Variants in RRAGB observed in about 807,000 individuals in gnomAD.
RRAGB encodes ras-related GTP-binding protein B.
RRAGB carries 6 observed loss-of-function variants against 29.3 expected under a neutral mutation model. The ratio of observed to expected loss-of-function variants is 0.21; its 90% CI spans 0.11 to 0.40. RRAGB has a LOEUF of 0.40. Among genes scored for constraint, RRAGB ranks in the 10% least tolerant of loss-of-function variants. RRAGB has a pLI of 1.00. For synonymous variants in RRAGB, 101 were observed against 92.5 expected, an observed-to-expected ratio of 1.09 and a Z score of -0.53; for missense variants, 184 against 272.9, an observed-to-expected ratio of 0.67 and a Z score of 2.29.
intron 5 of RRAGB, among the ~76,000 whole-genome samples, chrX:55,736,785 T>C (rs946019834): frequency 1.8e-5 from 2 of 112,399 alleles, no homozygotes; most frequent in African/African-American, 6.5e-5. Flanking sequence ...TGCAGTGGCT[T>C]TCTTAGCTGC....
In RRAGB at chrX:55,731,595, C is replaced by G. The variant is rs2033681843; in HGVS notation, c.516+9C>G. ...AGGATCAACGGGACCTGGTAAGAAA[C>G]AGAAGAAGTGCTGCACCAAATGCTC... On this transcript the variant is annotated intron_variant, in intron 5 of 9. Coordinates refer to ENST00000374941, the MANE Select transcript of RRAGB (RefSeq NM_006064.5). 1 of 1,112,767 alleles carries G rather than the reference C, an allele frequency of 9.0e-7. No homozygotes were observed. The highest frequency in any genetic ancestry group is 1.8e-5 in the African/African-American group (1 of 55,231). 91.7% of individuals were successfully genotyped at this position (1,112,767 alleles called of 1,213,427 possible).
At chrX:55,736,252 G>T (rs1438456801) in intron 5 of RRAGB, among the ~76,000 whole-genome samples, 2 of 111,700 alleles carry the variant, frequency 1.8e-5, no homozygotes, top group Non-Finnish European at 3.8e-5. Flanking sequence ...CTTAGATTTG[G>T]ATGTTTTATA....
At chrX:55,738,001 G>A (rs1299418161) in intron 5 of RRAGB, among the ~76,000 whole-genome samples, 1 of 112,439 alleles carries the variant, frequency 8.9e-6, no homozygotes, top group Non-Finnish European at 1.9e-5. Context: ...CAAAGAAGTC[G>A]TCTTTGAGCT....
intron 3 of RRAGB, among the ~76,000 whole-genome samples, chrX:55,724,864 C>T (rs1410355444): frequency 8.9e-6 from 1 of 111,919 alleles, no homozygotes; most frequent in Non-Finnish European, 1.9e-5. Flanking sequence ...GAATGTCAAT[C>T]TATGCTCTTG....
chrX:55,741,017 T>C (rs1053291285), intron 5 of RRAGB, among the ~76,000 whole-genome samples: 2 of 94,847 alleles, frequency 2.1e-5, no homozygotes, highest in Non-Finnish European at 4.4e-5. Flanking sequence ...AGACAACACT[T>C]CAAAATGATT....
intron 5 of RRAGB, among the ~76,000 whole-genome samples, chrX:55,736,037 GA>G (rs1158379830): frequency 8.9e-6 from 1 of 112,008 alleles, no homozygotes; most frequent in Non-Finnish European, 1.9e-5. Context: ...ACTCTTCTTA[GA>G]ATTCTTTCCT....
intron 5 of RRAGB, among the ~76,000 whole-genome samples, chrX:55,749,592 A>AG (rs1569253486): frequency 9.0e-6 from 1 of 111,080 alleles, no homozygotes; most frequent in Non-Finnish European, 1.9e-5. Flanking sequence ...TGGAATAGAA[A>AG]GGGGTGAAAG....
intron 3 of RRAGB, among the ~76,000 whole-genome samples, chrX:55,723,602 G>A (rs1225426568): frequency 1.8e-5 from 2 of 108,931 alleles, no homozygotes; most frequent in Non-Finnish European, 3.8e-5. Flanking sequence ...CTGTCATCCA[G>A]GCTGGAGTGC....
At chrX:55,758,050 A>C (rs2034702738) in intron 9 of RRAGB, among the ~76,000 whole-genome samples, 196 bp from the exon 10 acceptor site, 2 of 112,304 alleles carry the variant, frequency 1.8e-5, no homozygotes, top group Non-Finnish European at 3.8e-5. Flanking sequence ...TATTTTGGAA[A>C]TTTTGTGTTT....
intron 2 of RRAGB, among the ~76,000 whole-genome samples, chrX:55,719,927 T>C (rs2033201632): frequency 8.9e-6 from 1 of 112,359 alleles, no homozygotes; most frequent in East Asian, 2.8e-4. Context: ...TTCAGTTTCC[T>C]CATTTGTAAA....
intron 5 of RRAGB, 63 bp downstream of exon 5, chrX:55,731,649 G>A: frequency 4.1e-6 from 3 of 731,054 alleles, no homozygotes; most frequent in Non-Finnish European, 3.9e-6. Context: ...ATTTTGTAGA[G>A]GTATAGGTAA....
chrX:55,721,743 G>T (rs1251651526), intron 2 of RRAGB, among the ~76,000 whole-genome samples: 2 of 112,067 alleles, frequency 1.8e-5, no homozygotes, highest in African/African-American at 6.5e-5. Flanking sequence ...GAAGGGATGA[G>T]ATCAAAGGCA....
chrX:55,740,089 G>A (rs1201353618), intron 5 of RRAGB, among the ~76,000 whole-genome samples: 3 of 111,655 alleles, frequency 2.7e-5, no homozygotes, highest in Non-Finnish European at 5.7e-5. Flanking sequence ...TTGGGAGGCC[G>A]TGGCGGGCGG....
chrX:55,718,148 T>TA lies in RRAGB; in HGVS notation c.-178dup. 3.0e-6 allele frequency: 1 copy of TA among 332,515 alleles called. No individual in the cohort carries two copies. The highest frequency in any genetic ancestry group is 5.2e-5 in the Admixed American group (1 of 19,124). 27.4% of individuals were successfully genotyped at this position (332,515 alleles called of 1,213,427 possible). ...TGAGGCCAGGTTCGAGAGATAAAGG[T>TA]AACCGTGGGGAAAGCGGCCCCCCAG... On this transcript the variant is annotated 5_prime_UTR_variant, in exon 1 of 10. Coordinates refer to ENST00000374941, the MANE Select transcript of RRAGB (RefSeq NM_006064.5).
In RRAGB at chrX:55,732,949, G is replaced by T. The variant is rs1401137966; in HGVS notation, c.516+1363G>T. On this transcript the variant is annotated intron_variant, in intron 5 of 9. Coordinates refer to ENST00000374941, the MANE Select transcript of RRAGB (RefSeq NM_006064.5). ...TTTTATTCACTTGTAATTTTGTGGG[G>T]TTTTTTTTTAGTATTTTAATTTATT... Among the ~76,000 whole-genome samples the T allele has an allele frequency of 1.1e-4, 12 of 109,235 alleles. No individual in the cohort carries two copies. In the South Asian group the frequency reaches 1.5e-3, roughly 14 times the overall value. 94.9% of individuals were successfully genotyped at this position (109,235 alleles called of 115,157 possible). A position where few individuals can be genotyped will look rare whatever the true frequency, so the allele number is the denominator to read the frequency against.
intron 8 of RRAGB, 87 bp from the exon 9 acceptor site, chrX:55,757,129 A>G: frequency 2.2e-6 from 1 of 447,344 alleles, no homozygotes; most frequent in African/African-American, 2.4e-5. Context: ...GCTATACCTC[A>G]ATCATCAAAA....
intron 9 of RRAGB, among the ~76,000 whole-genome samples, chrX:55,757,961 A>G (rs2034700433): frequency 2.7e-5 from 3 of 112,008 alleles, no homozygotes; most frequent in Non-Finnish European, 5.6e-5. Context: ...GGCTTTTGCT[A>G]CTTTAGGTTA....
chrX:55,755,322 T>A, intron 7 of RRAGB: 3 of 752,958 alleles, frequency 4.0e-6, no homozygotes, highest in Non-Finnish European at 4.7e-6. Flanking sequence ...TATTTTCAGC[T>A]GGTGTGGGTG....
intron 5 of RRAGB, among the ~76,000 whole-genome samples, chrX:55,744,132 T>TA (rs1189604335): frequency 9.1e-6 from 1 of 109,813 alleles, no homozygotes; most frequent in Non-Finnish European, 1.9e-5. Context: ...CTCATGCCTG[T>TA]AATCCCAGCT....
Sources: allele counts gnomAD v4.1 joint callset (sites outside exome capture counted in the v4.1 genomes callset), GRCh38; gene constraint gnomAD v4.1.1; transcripts MANE v1.5; gene names NCBI Gene and HGNC (gene_info 2026-07-23, HGNC 2026-07-21).